Variants in MBD5 observed in about 807,000 individuals in gnomAD.
MBD5 encodes methyl-CpG-binding domain protein 5.
Under a neutral mutation model 117.3 loss-of-function variants are expected in MBD5, and 13 were observed. The ratio of observed to expected loss-of-function variants is 0.11; its 90% CI spans 0.07 to 0.18. The LOEUF (loss-of-function observed/expected upper bound fraction) is 0.18. Ranked by LOEUF, MBD5 falls within the 10% of genes least tolerant of loss-of-function variation. The probability of loss-of-function intolerance (pLI) is 1.00; values close to 1 mark genes in which losing one functional copy is unlikely to be tolerated. For synonymous variants in MBD5, 727 were observed against 766.4 expected, an observed-to-expected ratio of 0.95 and a Z score of 0.85; for missense variants, 1,879 against 2,093.8, an observed-to-expected ratio of 0.90 and a Z score of 2.00.
chr2:148,124,077 G>A (rs1276600829), intron 1 of MBD5, among the ~76,000 whole-genome samples: 1 of 152,040 alleles, frequency 6.6e-6, no homozygotes, highest in South Asian at 2.1e-4. Context: ...GCAGGAGTTC[G>A]AGATCAGCCT....
intron 4 of MBD5, among the ~76,000 whole-genome samples, chr2:148,407,997 AGACT>A (rs1176304863): frequency 1.3e-5 from 2 of 152,186 alleles, no homozygotes; most frequent in Admixed American, 6.5e-5. Flanking sequence ...CCTATTTCAG[AGACT>A]GACTGTGTAG....
At chr2:148,085,218 A>G in intron 1 of MBD5, among the ~76,000 whole-genome samples, 1 of 152,210 alleles carries the variant, frequency 6.6e-6, no homozygotes, top group East Asian at 1.9e-4. Flanking sequence ...GTATAAAGCA[A>G]GGTTCCCCAC....
intron 4 of MBD5, among the ~76,000 whole-genome samples, chr2:148,430,832 T>C (rs976951314): frequency 2.0e-5 from 3 of 152,142 alleles, no homozygotes; most frequent in Non-Finnish European, 4.4e-5. Flanking sequence ...CAATTAAGTA[T>C]TACTTTTGTA....
rs187562174 is a variant in MBD5, at chr2:148,151,508, G to A, written c.-924-27192G>A. ...TTTTCTATTGATTGGAATAGTTTCC[G>A]AAGGAATGGTACCAGCTCCTCCTTG... On this transcript the variant is annotated intron_variant, in intron 1 of 13. Transcript: ENST00000642680. Among the ~76,000 whole-genome samples the A allele has an allele frequency of 1.0e-3, 159 of 152,314 alleles. 1 individual carries two copies. Among genetic ancestry groups the A allele is most frequent in the Non-Finnish European group, 1.3e-4 (9 of 68,040 alleles).
chr2:148,263,629 T>C (rs1158944069), intron 3 of MBD5, among the ~76,000 whole-genome samples: 1 of 152,124 alleles, frequency 6.6e-6, no homozygotes, highest in Non-Finnish European at 1.5e-5. Context: ...AAAGTCATAT[T>C]GGGTGGAGGT....
intron 4 of MBD5, among the ~76,000 whole-genome samples, chr2:148,354,720 A>G (rs540597483): frequency 6.6e-6 from 1 of 152,272 alleles, no homozygotes; most frequent in East Asian, 1.9e-4. Context: ...GAACTAATTT[A>G]CACTCCCACC....
intron 1 of MBD5, among the ~76,000 whole-genome samples, chr2:148,145,021 C>G (rs1369638871): frequency 6.6e-6 from 1 of 152,212 alleles, no homozygotes; most frequent in East Asian, 1.9e-4. Context: ...GGCATCGAAT[C>G]TATAAATTAC....
At chr2:148,144,939 T>G (rs1697413586) in intron 1 of MBD5, among the ~76,000 whole-genome samples, 1 of 152,176 alleles carries the variant, frequency 6.6e-6, no homozygotes, top group South Asian at 2.1e-4. Context: ...GGGCTCTTTT[T>G]TGGTTCCATA....
At chr2:148,211,546 A>AT (rs1699422237) in intron 2 of MBD5, among the ~76,000 whole-genome samples, 1 of 152,114 alleles carries the variant, frequency 6.6e-6, no homozygotes, top group African/African-American at 2.4e-5. Flanking sequence ...TTATTTATTC[A>AT]TACTAATTAT....
At chr2:148,148,067 A>G (rs1006466430) in intron 1 of MBD5, among the ~76,000 whole-genome samples, 8 of 152,162 alleles carry the variant, frequency 5.3e-5, no homozygotes, top group African/African-American at 1.9e-4. Context: ...TATTAAAGCC[A>G]TCTCCAACAC....
intron 3 of MBD5, among the ~76,000 whole-genome samples, chr2:148,245,329 G>A (rs953003933): frequency 6.6e-6 from 1 of 152,106 alleles, no homozygotes; most frequent in Admixed American, 6.5e-5. Context: ...GGGTTCAAGC[G>A]ATTCTCCTGC....
At chr2:148,293,258 G>A (rs1187611031) in intron 3 of MBD5, among the ~76,000 whole-genome samples, 1 of 152,006 alleles carries the variant, frequency 6.6e-6, no homozygotes, top group Non-Finnish European at 1.5e-5. Context: ...GTAGGGGATT[G>A]GGGGAGAGGT....
chr2:148,440,904 G>A (rs1706299485), intron 4 of MBD5, among the ~76,000 whole-genome samples: 1 of 152,128 alleles, frequency 6.6e-6, no homozygotes, highest in African/African-American at 2.4e-5. Flanking sequence ...ACATTGTTAA[G>A]GCATTTCCAA....
At chr2:148,092,817 A>T (rs1695976263) in intron 1 of MBD5, among the ~76,000 whole-genome samples, 1 of 149,242 alleles carries the variant, frequency 6.7e-6, no homozygotes, top group South Asian at 2.1e-4. Context: ...TGAAATTAAA[A>T]AAAAAAAAAA....
chr2:148,313,414 C>T (rs1257980979), intron 3 of MBD5, among the ~76,000 whole-genome samples: 7 of 151,926 alleles, frequency 4.6e-5, no homozygotes, highest in Admixed American at 6.6e-5. Flanking sequence ...TGGTGGGCTT[C>T]GCCCAGTTCA....
At chr2:148,306,168 G>A (rs1701887168) in intron 3 of MBD5, among the ~76,000 whole-genome samples, 1 of 152,136 alleles carries the variant, frequency 6.6e-6, no homozygotes, top group African/African-American at 2.4e-5. Flanking sequence ...AGATTTAAGT[G>A]AATTCCTCTC....
At chr2:148,063,666 T>G (rs1695102014) in intron 1 of MBD5, among the ~76,000 whole-genome samples, 2 of 152,270 alleles carry the variant, frequency 1.3e-5, no homozygotes, top group Admixed American at 6.5e-5. Context: ...ATTTATTTTT[T>G]TAAGTGGAGA....
At chr2:148,235,373 A>G (rs1234428570) in intron 3 of MBD5, among the ~76,000 whole-genome samples, 1 of 152,218 alleles carries the variant, frequency 6.6e-6, no homozygotes, top group Non-Finnish European at 1.5e-5. Flanking sequence ...TTCTTTAACC[A>G]TCAGACTGTA....
rs539159677 is a variant in MBD5, at chr2:148,328,847, C to T, written c.-679-13367C>T. On this transcript the variant is annotated intron_variant, in intron 3 of 13. Coordinates refer to ENST00000642680, the MANE Select transcript of MBD5 (RefSeq NM_001378120.1). ...GCTGTAGACCGGAGCTGTTCCTATT[C>T]GGCCATCCATATATATCTTTTTAGA... Among the ~76,000 whole-genome samples, 17 of 152,270 alleles carry T rather than the reference C, an allele frequency of 1.1e-4. 1 individual carries two copies. The highest frequency in any genetic ancestry group is 1.0e-3 in the South Asian group (5 of 4,814).
Sources: gnomAD v4.1 joint callset for allele counts (sites outside exome capture counted in the v4.1 genomes callset) on GRCh38, gnomAD v4.1.1 for gene constraint, MANE v1.5 for transcripts, NCBI Gene and HGNC (gene_info 2026-07-23, HGNC 2026-07-21) for gene names.